The following PMFBP1 variants were observed in gnomAD, a reference collection of about 807,000 sequenced individuals.
PMFBP1 encodes the protein polyamine modulated factor 1 binding protein 1.
A neutral mutation model predicts 137.8 loss-of-function variants in PMFBP1; 131 were observed. The observed-to-expected ratio is 0.95, with a 90% CI of 0.82 to 1.10. The LOEUF is 1.10. PMFBP1 is among the 50% of genes least tolerant of loss of function. PMFBP1 has a pLI of 0.00. For missense variants in PMFBP1, 1,199 were observed against 1,175.4 expected (o/e 1.02, Z -0.29); for synonymous variants, 490 against 450.4 (o/e 1.09, Z -1.11).
chr16:72,150,585 GA>G (rs751286204), intron 5 of PMFBP1, 22 bp downstream of exon 5: 6 of 1,608,296 alleles, frequency 3.7e-6, no homozygotes, highest in South Asian at 2.2e-5. Flanking sequence ...TGCCTGGATT[GA>G]ATGGCCTGAC....
the PMFBP1 span, among the ~76,000 whole-genome samples, chr16:72,203,859 T>C: frequency 1.3e-5 from 2 of 152,214 alleles, no homozygotes; most frequent in South Asian, 2.1e-4. Flanking sequence ...CAGAGGGCAA[T>C]TGGGCTAGGA....
the PMFBP1 span, among the ~76,000 whole-genome samples, chr16:72,225,709 T>TATA: frequency 0.03 from 3,331 of 109,490 alleles, 68 homozygotes; most frequent in Admixed American, 0.058. Context: ...TGAGACTGTT[T>TATA]ATAATAATAA....
At chr16:72,122,289 T>A (rs1023909626) in intron 19 of PMFBP1, among the ~76,000 whole-genome samples, 3 of 152,246 alleles carry the variant, frequency 2.0e-5, no homozygotes, top group African/African-American at 7.2e-5. Flanking sequence ...GTTTTCTAAG[T>A]GTTCCCTAAG....
In PMFBP1 at chr16:72,150,739, C is replaced by G. The variant is rs2042889633; in HGVS notation, c.505G>C (p.Asp169His). The G allele has an allele frequency of 6.2e-7, 1 of 1,614,136 alleles. No homozygotes were observed. Among genetic ancestry groups the G allele is most frequent in the Non-Finnish European group, 8.5e-7 (1 of 1,179,986 alleles). The change falls in exon 5 of 21, where the codon GAC becomes CAC. Residue 169 changes from aspartate (D) to histidine (H), a missense_variant. Transcript: ENST00000237353. ...LAQEQLALAGDKIASLERSLN... is the reference protein window; with the variant it reads ...LAQEQLALAGHKIASLERSLN... The stretch of plus-strand genomic sequence containing the variant: ...CTCCTCTCTAGAGAGGCGATCTTGT[C>G]CCCGGCCAAGGCGAGTTGCTCCTGC...
At position 72,128,671 on chromosome 16, in the gene PMFBP1, C is replaced by T. The variant is rs747241380; in HGVS notation, c.2074G>A (p.Asp692Asn). 2.1e-5 allele frequency: 34 copies of T among 1,614,008 alleles called. No individual in the cohort carries two copies. In the South Asian group the frequency reaches 3.4e-4, roughly 16 times the overall value. The change falls in exon 14 of 21, where the codon GAC (aspartate) becomes AAC (asparagine). Residue 692 changes from aspartate (D) to asparagine (N), a missense_variant. Asp to Asn is a conservative substitution (Grantham distance 23). Coordinates refer to ENST00000237353, the MANE Select transcript of PMFBP1 (RefSeq NM_031293.3). ...KYNTSQQVIQ[D>N]LNKEIALQKE... ...TGTCTACTCACCTCTTTATTCAAGTCTTGGATGACTTGCTGGCTGGTGTTG... is the reference window on the plus strand; with the variant it reads ...TGTCTACTCACCTCTTTATTCAAGTTTTGGATGACTTGCTGGCTGGTGTTG...
chr16:72,153,585 T>G (rs1259919605), intron 4 of PMFBP1, among the ~76,000 whole-genome samples: 6 of 151,746 alleles, frequency 4.0e-5, no homozygotes, highest in Non-Finnish European at 8.8e-5. Context: ...GTTTTTGGAA[T>G]TTACTTGGGA....
At chr16:72,123,097 C>T in intron 18 of PMFBP1, 109 bp from the exon 19 acceptor site, 1 of 922,826 alleles carries the variant, frequency 1.1e-6, no homozygotes, top group South Asian at 1.5e-5. Flanking sequence ...GCTGCTGCAT[C>T]CCACGTCCCC....
At chr16:72,168,833 T>C (rs1284717636) in intron 2 of PMFBP1, among the ~76,000 whole-genome samples, 2 of 152,248 alleles carry the variant, frequency 1.3e-5, no homozygotes, top group Non-Finnish European at 2.9e-5. Flanking sequence ...TCATGATAAC[T>C]ATTAGAAAAT....
chr16:72,195,686 G>A, the PMFBP1 span, among the ~76,000 whole-genome samples: 4 of 152,224 alleles, frequency 2.6e-5, no homozygotes, highest in African/African-American at 9.6e-5. Flanking sequence ...CATTAATGTG[G>A]ATAATTGATC....
chr16:72,222,948 G>T, the PMFBP1 span, among the ~76,000 whole-genome samples: 1 of 152,056 alleles, frequency 6.6e-6, no homozygotes, highest in Non-Finnish European at 1.5e-5. Flanking sequence ...CTTATAGGTG[G>T]TATTTAAAAT....
chr16:72,230,699 C>G, the PMFBP1 span, among the ~76,000 whole-genome samples: 3 of 152,188 alleles, frequency 2.0e-5, no homozygotes, highest in South Asian at 2.1e-4. Context: ...TAAGTAGTCA[C>G]CAAATCCTGA....
intron 9 of PMFBP1, among the ~76,000 whole-genome samples, chr16:72,135,345 T>TTG (rs200488023): frequency 3.7e-4 from 38 of 103,768 alleles, no homozygotes; most frequent in East Asian, 1.2e-3. Flanking sequence ...CTGGCTAATT[T>TTG]TGTGTGTGTG....
the PMFBP1 span, among the ~76,000 whole-genome samples, chr16:72,212,609 C>T: frequency 2.0e-5 from 3 of 152,150 alleles, no homozygotes; most frequent in Non-Finnish European, 4.4e-5. Context: ...CAACATCCAA[C>T]TGATAGGAAT....
the PMFBP1 span, among the ~76,000 whole-genome samples, chr16:72,198,741 A>T: frequency 1.3e-5 from 2 of 152,116 alleles, no homozygotes; most frequent in African/African-American, 4.8e-5. Flanking sequence ...TAATAAGGCA[A>T]ACCCGTGGAT....
chr16:72,156,454 T>G (rs1187414177), intron 3 of PMFBP1, among the ~76,000 whole-genome samples: 1 of 151,760 alleles, frequency 6.6e-6, no homozygotes, highest in Non-Finnish European at 1.5e-5. Context: ...CCGTCTCCAC[T>G]AAAAATACAA....
chr16:72,140,727 A>T (rs1476706215), intron 5 of PMFBP1, 145 bp from the exon 6 acceptor site: 9 of 708,570 alleles, frequency 1.3e-5, no homozygotes, highest in Admixed American at 2.9e-5. Flanking sequence ...CAAAACAAAA[A>T]ATATTAACTA....
the PMFBP1 span, among the ~76,000 whole-genome samples, chr16:72,198,129 G>T: frequency 6.6e-6 from 1 of 152,052 alleles, no homozygotes; most frequent in Non-Finnish European, 1.5e-5. Flanking sequence ...GCGTATGACA[G>T]GCCTAGAATG....
intron 1 of PMFBP1, chr16:72,171,484 C>G (rs1473017961): frequency 2.2e-6 from 1 of 464,420 alleles, no homozygotes; most frequent in Non-Finnish European, 3.9e-6. Flanking sequence ...TCCAGAAAAC[C>G]ACTACTTGGT....
the PMFBP1 span, among the ~76,000 whole-genome samples, chr16:72,201,236 G>C: frequency 0.086 from 13,135 of 152,228 alleles, 682 homozygotes; most frequent in Non-Finnish European, 0.12. Flanking sequence ...TGGTTCTCAG[G>C]CTTTCCTTTG....
Sources: gnomAD v4.1 joint callset for allele counts (sites outside exome capture counted in the v4.1 genomes callset) on GRCh38, gnomAD v4.1.1 for gene constraint, MANE v1.5 for transcripts, NCBI Gene and HGNC (gene_info 2026-07-23, HGNC 2026-07-21) for gene names.